Variants in KATNAL2 observed in about 807,000 individuals in gnomAD.
KATNAL2 encodes katanin catalytic subunit A1 like 2.
In KATNAL2, 52 loss-of-function variants were observed where a neutral mutation model predicts 76.3. The ratio of observed to expected loss-of-function variants is 0.68; its 90% CI spans 0.55 to 0.86. The LOEUF (loss-of-function observed/expected upper bound fraction) is 0.86. KATNAL2 is among the 40% of genes least tolerant of loss of function. The probability of loss-of-function intolerance (pLI) is 0.00; values close to 1 mark genes in which losing one functional copy is unlikely to be tolerated. For missense variants in KATNAL2, 660 were observed against 668.9 expected (o/e 0.99, Z 0.15); for synonymous variants, 243 against 244.2 (o/e 1.00, Z 0.05).
intron 1 of KATNAL2, among the ~76,000 whole-genome samples, chr18:46,934,983 T>C (rs961533097): frequency 2.0e-5 from 3 of 152,158 alleles, no homozygotes; most frequent in African/African-American, 7.2e-5. Context: ...TGTCAAAATA[T>C]CTTATAAATA....
At chr18:47,083,545 A>G (rs2062629712) in intron 15 of KATNAL2, among the ~76,000 whole-genome samples, 1 of 152,236 alleles carries the variant, frequency 6.6e-6, no homozygotes, top group African/African-American at 2.4e-5. Flanking sequence ...CCCAGCAGTG[A>G]CAGGTGTGCA....
At chr18:47,088,383 G>A (rs891554383) in intron 15 of KATNAL2, among the ~76,000 whole-genome samples, 11 of 152,146 alleles carry the variant, frequency 7.2e-5, no homozygotes, top group Non-Finnish European at 1.5e-4. Context: ...ATTTTTAGTT[G>A]TAAGAGGGTG....
At chr18:47,081,904 A>G (rs973295680) in intron 15 of KATNAL2, among the ~76,000 whole-genome samples, 2 of 152,176 alleles carry the variant, frequency 1.3e-5, no homozygotes. Context: ...GCTAGGAAAT[A>G]CGTATCTTTA....
chr18:47,086,610 C>T (rs2062786078), intron 15 of KATNAL2, among the ~76,000 whole-genome samples: 1 of 152,212 alleles, frequency 6.6e-6, no homozygotes. Context: ...CCACTGTGCC[C>T]AGCCTGTTAT....
chr18:46,945,261 T>C (rs2059354118), intron 1 of KATNAL2, among the ~76,000 whole-genome samples: 1 of 152,240 alleles, frequency 6.6e-6, no homozygotes, highest in Non-Finnish European at 1.5e-5. Flanking sequence ...ATGTGATAAG[T>C]GCAGTATGAA....
chr18:46,955,132 T>TTCTC lies in KATNAL2; in HGVS notation c.51+8217_51+8220dup, dbSNP rs200821465. On this transcript the variant is annotated intron_variant, in intron 3 of 17. Transcript: ENST00000683218. ...CTTCCTTCCTTTTGTCTTTCTTTCT[T>TTCTC]TCTCTCTCTCTTTCTTTCTTTCTTT... 2.6e-4 allele frequency among the ~76,000 whole-genome samples: 34 copies of TTCTC among 131,792 alleles called. No homozygotes were observed. The South Asian group carries it at 4.0e-3, about 15-fold the overall frequency. The allele number at this position is 131,792 out of a possible 152,430, so 86.5% of individuals were successfully genotyped here.
chr18:47,083,057 G>A (rs2062604484), intron 15 of KATNAL2, among the ~76,000 whole-genome samples: 1 of 152,136 alleles, frequency 6.6e-6, no homozygotes, highest in African/African-American at 2.4e-5. Context: ...CATATATGAT[G>A]ATCCCAAACT....
At chr18:46,960,854 G>A (rs1201774094) in intron 3 of KATNAL2, among the ~76,000 whole-genome samples, 1 of 152,296 alleles carries the variant, frequency 6.6e-6, no homozygotes, top group Non-Finnish European at 1.5e-5. Context: ...GGGACGAGAC[G>A]CGGACAAAAC....
chr18:47,053,724 G>A (rs2061398434), intron 5 of KATNAL2, among the ~76,000 whole-genome samples: 1 of 152,200 alleles, frequency 6.6e-6, no homozygotes, highest in Non-Finnish European at 1.5e-5. Context: ...GAAACCAAGA[G>A]GAACATCAAT....
intron 3 of KATNAL2, among the ~76,000 whole-genome samples, chr18:46,951,592 A>G (rs1260204616): frequency 2.0e-5 from 3 of 151,372 alleles, no homozygotes; most frequent in Non-Finnish European, 4.4e-5. Context: ...TTCTTGCCCT[A>G]TATCCCTCTT....
chr18:46,949,973 C>A (rs773821907), intron 3 of KATNAL2, among the ~76,000 whole-genome samples: 1 of 152,176 alleles, frequency 6.6e-6, no homozygotes, highest in South Asian at 2.1e-4. Flanking sequence ...TTGGGATAAA[C>A]CCTCCAAATC....
At chr18:47,076,336 T>C (rs2062220654) in intron 14 of KATNAL2, 1 of 152,246 alleles carries the variant, frequency 6.6e-6, no homozygotes. Flanking sequence ...TCAGCTTAAC[T>C]GGAGCTGGTG....
intron 15 of KATNAL2, among the ~76,000 whole-genome samples, chr18:47,082,776 G>A (rs2062588905): frequency 6.6e-6 from 1 of 152,176 alleles, no homozygotes; most frequent in Admixed American, 6.5e-5. Context: ...GTATTTGCTA[G>A]TGTATCTTTG....
chr18:46,953,130 G>A (rs550374376), intron 3 of KATNAL2, among the ~76,000 whole-genome samples: 5 of 151,356 alleles, frequency 3.3e-5, no homozygotes, highest in Middle Eastern at 3.4e-3. Context: ...TCCTGACCTC[G>A]TCATCTGCCC....
rs190361249 is a variant in KATNAL2 at position 46,949,888 on chromosome 18, T to G, written c.51+2965T>G. Among the ~76,000 whole-genome samples the G allele has an allele frequency of 2.7e-3, 404 of 152,346 alleles. 3 individuals carry two copies. Among genetic ancestry groups the G allele is most frequent in the African/African-American group, 9.4e-3 (390 of 41,582 alleles). The stretch of plus-strand genomic sequence containing the variant: ...TTGCCTCTCTTCAGTCCAACCTTCA[T>G]CCAATGATCAGGGTGATTTTCTTAA... On this transcript the variant is annotated intron_variant, in intron 3 of 17. Coordinates refer to ENST00000683218, the MANE Select transcript of KATNAL2 (RefSeq NM_001387690.1).
Position 46,956,818 on chromosome 18 carries a change from A to T in KATNAL2, c.51+9895A>T, listed in dbSNP as rs1336831327. ...AGCACTTTGGGAGGCTGAGGCAGGC[A>T]GATCACCTGAGGTCAGGAGTTCCAG... On this transcript the variant is annotated intron_variant, in intron 3 of 17. Coordinates refer to ENST00000683218, the MANE Select transcript of KATNAL2 (RefSeq NM_001387690.1). Among the ~76,000 whole-genome samples the T allele has an allele frequency of 2.0e-5, 3 of 152,036 alleles. No individual in the cohort carries two copies. In the South Asian group the frequency reaches 6.2e-4, roughly 32 times the overall value.
chr18:47,081,704 G>T (rs1288640125), intron 15 of KATNAL2, among the ~76,000 whole-genome samples: 1 of 152,282 alleles, frequency 6.6e-6, no homozygotes, highest in East Asian at 1.9e-4. Context: ...CTGTTTCTTA[G>T]TCTTCCCCTA....
At chr18:46,946,600 C>CA (rs1285899055) in intron 2 of KATNAL2, 54 bp downstream of exon 2, 6 of 979,068 alleles carry the variant, frequency 6.1e-6, no homozygotes, top group Non-Finnish European at 7.3e-6. Flanking sequence ...AAAACCAAAA[C>CA]AATTGCAAAG....
chr18:47,077,164 T>C (rs1301123062), intron 14 of KATNAL2, among the ~76,000 whole-genome samples, 187 bp from the exon 15 acceptor site: 2 of 152,224 alleles, frequency 1.3e-5, no homozygotes, highest in African/African-American at 4.8e-5. Context: ...ATTTACTTGC[T>C]TTCTATCATA....
Sources: allele counts gnomAD v4.1 joint callset (sites outside exome capture counted in the v4.1 genomes callset), GRCh38; gene constraint gnomAD v4.1.1; transcripts MANE v1.5; gene names NCBI Gene and HGNC (gene_info 2026-07-23, HGNC 2026-07-21).